The following EPHA3 variants were observed in gnomAD, a reference collection of about 807,000 sequenced individuals.
The protein encoded by EPHA3 is EPH receptor A3.
Under a neutral mutation model 107.1 loss-of-function variants are expected in EPHA3, and 42 were observed. The ratio of observed to expected loss-of-function variants is 0.39; its 90% CI spans 0.31 to 0.51. The LOEUF is 0.51. Among genes scored for constraint, EPHA3 ranks in the 20% least tolerant of loss-of-function variants. The probability of loss-of-function intolerance (pLI) is 0.78; values close to 1 mark genes in which losing one functional copy is unlikely to be tolerated. For missense variants in EPHA3, 1,183 were observed against 1,211.2 expected, an observed-to-expected ratio of 0.98 and a Z score of 0.35; for synonymous variants, 461 against 424.8, an observed-to-expected ratio of 1.09 and a Z score of -1.05.
At chr3:89,222,627 A>G (rs1454297760) in intron 3 of EPHA3, among the ~76,000 whole-genome samples, 1 of 151,848 alleles carries the variant, frequency 6.6e-6, no homozygotes, top group Non-Finnish European at 1.5e-5. Flanking sequence ...ATGTGTACTT[A>G]TAAGTGTACT....
intron 3 of EPHA3, among the ~76,000 whole-genome samples, chr3:89,284,512 G>T (rs1380347842): frequency 6.6e-6 from 1 of 151,602 alleles, no homozygotes; most frequent in Non-Finnish European, 1.5e-5. Context: ...TTAAAACCTT[G>T]AGTTTGATTT....
rs1297540622 is a variant in EPHA3 at position 89,138,631 on chromosome 3, G to T, written c.153+11358G>T. 2.0e-5 allele frequency among the ~76,000 whole-genome samples: 3 copies of T among 151,790 alleles called. No homozygotes were observed. In the East Asian group the frequency reaches 5.8e-4, roughly 29 times the overall value. On this transcript the variant is annotated intron_variant, in intron 2 of 16. Transcript: ENST00000336596. ...ACATTTTAAGCAGGTGATCAGGGAG[G>T]ATAGTGTAATTGAAGAACAAATAGG...
chr3:89,438,725 CAA>C (rs1202954806), intron 13 of EPHA3, among the ~76,000 whole-genome samples: 1 of 151,914 alleles, frequency 6.6e-6, no homozygotes, highest in East Asian at 1.9e-4. Context: ...AACTGTGAAC[CAA>C]AAAAAGTCAA....
chr3:89,298,361 A>C (rs1490873673), intron 3 of EPHA3, among the ~76,000 whole-genome samples: 2 of 152,092 alleles, frequency 1.3e-5, no homozygotes, highest in East Asian at 3.9e-4. Context: ...ATTTCCTAAA[A>C]CCCAAGAATT....
intron 2 of EPHA3, among the ~76,000 whole-genome samples, chr3:89,198,166 A>T (rs1705891223): frequency 6.6e-6 from 1 of 152,164 alleles, no homozygotes; most frequent in Non-Finnish European, 1.5e-5. Context: ...CTTTGAATTT[A>T]AAATACATTT....
At chr3:89,239,874 T>C (rs1043707203) in intron 3 of EPHA3, among the ~76,000 whole-genome samples, 6 of 152,130 alleles carry the variant, frequency 3.9e-5, no homozygotes, top group Non-Finnish European at 7.4e-5. Flanking sequence ...TTGATAATAG[T>C]TGAGGTAGTG....
chr3:89,150,099 G>A (rs1345570653), intron 2 of EPHA3, among the ~76,000 whole-genome samples: 4 of 151,864 alleles, frequency 2.6e-5, no homozygotes, highest in Non-Finnish European at 4.4e-5. Flanking sequence ...TGACAATTTG[G>A]ATGGGAAAGT....
rs1275971149 is a variant in EPHA3 at position 89,107,630 on chromosome 3, C to T, written c.-119C>T. 1 of 964,568 alleles carries T rather than the reference C, an allele frequency of 1.0e-6. No individual in the cohort carries two copies. The highest frequency in any genetic ancestry group is 1.6e-6 in the Non-Finnish European group (1 of 621,100). The allele number at this position is 964,568 out of a possible 1,614,324, so 59.8% of individuals were successfully genotyped here. The stretch of plus-strand genomic sequence containing the variant: ...ACTCCTCCTTATCTCCAGTGTCAAA[C>T]TTGACATCAGCCTGCGAGCGGAGCA... On this transcript the variant is annotated 5_prime_UTR_variant, in exon 1 of 17. Transcript: ENST00000336596.
intron 3 of EPHA3, among the ~76,000 whole-genome samples, chr3:89,320,996 G>A (rs935318975): frequency 3.9e-5 from 6 of 151,946 alleles, no homozygotes; most frequent in African/African-American, 1.4e-4. Flanking sequence ...TATATTTTAT[G>A]AGAGACTGCC....
chr3:89,109,423 T>A (rs1408741082), intron 1 of EPHA3, among the ~76,000 whole-genome samples: 2 of 151,968 alleles, frequency 1.3e-5, no homozygotes, highest in Non-Finnish European at 2.9e-5. Context: ...ATATTGACAA[T>A]AACTAGAAAA....
At chr3:89,454,901 GAAGGATTGCTT>G (rs1276979921) in intron 15 of EPHA3, among the ~76,000 whole-genome samples, 1 of 152,068 alleles carries the variant, frequency 6.6e-6, no homozygotes, top group Non-Finnish European at 1.5e-5. Flanking sequence ...GGCTGTAGCA[GAAGGATTGCTT>G]AAGTCCAGGA....
At chr3:89,345,265 T>A (rs1485634015) in intron 5 of EPHA3, among the ~76,000 whole-genome samples, 1 of 151,326 alleles carries the variant, frequency 6.6e-6, no homozygotes, top group Non-Finnish European at 1.5e-5. Context: ...ATTTTACTAC[T>A]TGGATGAACT....
intron 2 of EPHA3, among the ~76,000 whole-genome samples, chr3:89,168,625 A>G (rs1309121402): frequency 6.6e-6 from 1 of 152,020 alleles, no homozygotes; most frequent in Non-Finnish European, 1.5e-5. Context: ...ATTATATCAA[A>G]ACTATATTTA....
chr3:89,196,115 C>T lies in EPHA3; in HGVS notation c.154-13745C>T, dbSNP rs745348387. Among the ~76,000 whole-genome samples the T allele has an allele frequency of 3.9e-5, 6 of 152,112 alleles. No homozygotes were observed. In the East Asian group the frequency reaches 9.7e-4, roughly 25 times the overall value. On this transcript the variant is annotated intron_variant, in intron 2 of 16. Coordinates refer to ENST00000336596, the MANE Select transcript of EPHA3 (RefSeq NM_005233.6). ...ACCTTGGGATTCTTTACTGCTGTTT[C>T]CTTTGCCTTGAATGATGTTTCCTGA...
At chr3:89,472,648 T>C (rs760691209) in intron 16 of EPHA3, 29 bp downstream of exon 16, 2 of 1,595,698 alleles carry the variant, frequency 1.3e-6, no homozygotes, top group Non-Finnish European at 1.7e-6. Flanking sequence ...TTAAGAAGAA[T>C]GAAGGATTCT....
intron 5 of EPHA3, among the ~76,000 whole-genome samples, chr3:89,379,821 T>C (rs1708466223): frequency 6.6e-6 from 1 of 152,226 alleles, no homozygotes. Flanking sequence ...TGAGTATTTT[T>C]ATGTGTGAGT....
intron 1 of EPHA3, among the ~76,000 whole-genome samples, chr3:89,121,855 A>C (rs2106961586): frequency 6.6e-6 from 1 of 152,302 alleles, no homozygotes; most frequent in East Asian, 1.9e-4. Flanking sequence ...ATGGTAGATA[A>C]AAGTTATGTT....
chr3:89,224,403 C>T (rs1341465212), intron 3 of EPHA3, among the ~76,000 whole-genome samples: 1 of 151,988 alleles, frequency 6.6e-6, no homozygotes. Context: ...ACCAAATTTG[C>T]CTTGTATCAG....
chr3:89,230,367 G>C (rs1448745458), intron 3 of EPHA3, among the ~76,000 whole-genome samples: 1 of 152,038 alleles, frequency 6.6e-6, no homozygotes, highest in Non-Finnish European at 1.5e-5. Flanking sequence ...ATTTTTGTTG[G>C]AATGTATTGG....
Sources: gnomAD v4.1 joint callset for allele counts (sites outside exome capture counted in the v4.1 genomes callset) on GRCh38, gnomAD v4.1.1 for gene constraint, MANE v1.5 for transcripts, NCBI Gene and HGNC (gene_info 2026-07-23, HGNC 2026-07-21) for gene names.